ANXA8: variants seen among roughly 807,000 people sequenced by gnomAD.
ANXA8 encodes the protein annexin A8, also known as VAC-beta.
A neutral mutation model predicts 26.8 loss-of-function variants in ANXA8; 9 were observed. That is an observed-to-expected ratio of 0.34 (90% CI 0.20 to 0.59). The LOEUF is 0.59. ANXA8 is among the 20% of genes least tolerant of loss of function. ANXA8 has a pLI of 0.84. For synonymous variants in ANXA8, 39 were observed against 94.8 expected, an observed-to-expected ratio of 0.41 and a Z score of 3.42; for missense variants, 83 against 238.5, an observed-to-expected ratio of 0.35 and a Z score of 4.29.
chr10:47,702,688 C>A, the ANXA8 span, among the ~76,000 whole-genome samples: 1 of 151,828 alleles, frequency 6.6e-6, no homozygotes, highest in South Asian at 2.1e-4. Context: ...GGCTAGAGTA[C>A]AGTGGTGCGA....
the ANXA8 span, among the ~76,000 whole-genome samples, chr10:47,729,536 CT>C: frequency 1.5e-5 from 2 of 135,732 alleles, no homozygotes; most frequent in Admixed American, 1.5e-4. Context: ...TTTAGCTATA[CT>C]TTTAGTATTT....
At chr10:47,946,927 G>C in the ANXA8 span, among the ~76,000 whole-genome samples, 1 of 150,308 alleles carries the variant, frequency 6.7e-6, no homozygotes. Context: ...TCCTGACCTT[G>C]TGATCCACCC....
the ANXA8 span, among the ~76,000 whole-genome samples, chr10:47,952,827 G>T: frequency 6.7e-6 from 1 of 149,202 alleles, no homozygotes; most frequent in South Asian, 2.1e-4. Flanking sequence ...CCTGTTTCTG[G>T]ACATACATAA....
chr10:47,664,621 G>A, the ANXA8 span, among the ~76,000 whole-genome samples: 4 of 151,004 alleles, frequency 2.6e-5, no homozygotes, highest in South Asian at 8.4e-4. Flanking sequence ...AATTTTTTTG[G>A]TACCTAAAAT....
chr10:47,662,356 T>C, the ANXA8 span, among the ~76,000 whole-genome samples: 2 of 140,460 alleles, frequency 1.4e-5, no homozygotes, highest in African/African-American at 5.4e-5. Context: ...GTTTGCGTCA[T>C]GGGGCAGATC....
At chr10:47,940,225 C>A in the ANXA8 span, among the ~76,000 whole-genome samples, 1 of 148,922 alleles carries the variant, frequency 6.7e-6, no homozygotes, top group Non-Finnish European at 1.5e-5. Flanking sequence ...CTGGCTGTAA[C>A]CCCGGCAAAC....
At chr10:47,645,325 A>T in the ANXA8 span, among the ~76,000 whole-genome samples, 1 of 147,040 alleles carries the variant, frequency 6.8e-6, no homozygotes, top group Non-Finnish European at 1.5e-5. Flanking sequence ...GTAGTGGGAG[A>T]CGTTACTAAA....
chr10:47,634,722 CAG>C, the ANXA8 span, among the ~76,000 whole-genome samples: 1 of 142,636 alleles, frequency 7.0e-6, no homozygotes, highest in Non-Finnish European at 1.5e-5. Context: ...ATTCAGTTTG[CAG>C]AGTTATGTCA....
At chr10:47,610,397 T>C in the ANXA8 span, among the ~76,000 whole-genome samples, 1 of 143,682 alleles carries the variant, frequency 7.0e-6, no homozygotes, top group Non-Finnish European at 1.5e-5. Context: ...CTGGACTATA[T>C]AAAATAAACT....
At chr10:47,952,793 C>T in the ANXA8 span, among the ~76,000 whole-genome samples, 11 of 149,278 alleles carry the variant, frequency 7.4e-5, no homozygotes, top group Non-Finnish European at 1.5e-4. Flanking sequence ...TTAGACAATT[C>T]GTCAGTGGAA....
the ANXA8 span, among the ~76,000 whole-genome samples, chr10:47,766,858 G>GT: frequency 6.7e-6 from 1 of 148,284 alleles, no homozygotes; most frequent in Non-Finnish European, 1.5e-5. Context: ...GTTCTTCCCC[G>GT]TGTCTGTGGA....
At chr10:47,483,101 T>C (rs1362101992) in intron 1 of ANXA8, among the ~76,000 whole-genome samples, 14 of 151,634 alleles carry the variant, frequency 9.2e-5, no homozygotes, top group Admixed American at 9.2e-4. Flanking sequence ...AGCACAGCGA[T>C]GGCCTCAGGC....
chr10:47,603,703 G>T, the ANXA8 span, among the ~76,000 whole-genome samples: 1 of 147,450 alleles, frequency 6.8e-6, no homozygotes, highest in Admixed American at 6.6e-5. Context: ...TAGAGACGGG[G>T]TTTCACCAAA....
At chr10:47,930,037 C>T in the ANXA8 span, among the ~76,000 whole-genome samples, 7 of 152,150 alleles carry the variant, frequency 4.6e-5, no homozygotes, top group Non-Finnish European at 8.8e-5. Context: ...TACCCTTCCC[C>T]TCACCCACTC....
At chr10:47,969,298 C>G in the ANXA8 span, among the ~76,000 whole-genome samples, 1 of 151,398 alleles carries the variant, frequency 6.6e-6, no homozygotes, top group Admixed American at 6.6e-5. Context: ...ATTGTACTCC[C>G]CACCTCAGGT....
chr10:47,536,632 C>T, the ANXA8 span, among the ~76,000 whole-genome samples: 1 of 128,570 alleles, frequency 7.8e-6, no homozygotes, highest in East Asian at 2.9e-4. Context: ...TATACCCCGC[C>T]CTTCAAAACT....
chr10:47,715,975 T>C, the ANXA8 span: 150,994 of 766,472 alleles, frequency 0.2, 9,150 homozygotes, highest in East Asian at 0.47. Context: ...TCTCCACCTC[T>C]CAGGTTTAAG....
At chr10:47,493,587 C>T in the ANXA8 span, among the ~76,000 whole-genome samples, 1 of 150,492 alleles carries the variant, frequency 6.6e-6, no homozygotes, top group African/African-American at 2.5e-5. Flanking sequence ...GAGCTCCCAC[C>T]CTAGGGTACT....
the ANXA8 span, chr10:47,565,999 G>T: frequency 1.1e-5 from 15 of 1,392,418 alleles, no homozygotes; most frequent in Non-Finnish European, 1.4e-5. Flanking sequence ...CGGGCAGCGT[G>T]GAGGTCATCG....
Sources: gnomAD v4.1 joint callset for allele counts (sites outside exome capture counted in the v4.1 genomes callset) on GRCh38, gnomAD v4.1.1 for gene constraint, MANE v1.5 for transcripts, NCBI Gene and HGNC (gene_info 2026-07-23, HGNC 2026-07-21) for gene names.